Variants in SSUH2 observed in about 807,000 individuals in gnomAD.
The protein encoded by SSUH2 is protein SSUH2 homolog.
SSUH2 carries 47 observed loss-of-function variants against 55.3 expected under a neutral mutation model. The ratio of observed to expected loss-of-function variants is 0.85; its 90% CI spans 0.67 to 1.08. The LOEUF (loss-of-function observed/expected upper bound fraction) is 1.08. Among genes scored for constraint, SSUH2 ranks in the 50% least tolerant of loss-of-function variants. The pLI, the probability that SSUH2 is intolerant of heterozygous loss-of-function variation, is 0.00. For missense variants in SSUH2, 535 were observed against 490.7 expected, an observed-to-expected ratio of 1.09 and a Z score of -0.85; for synonymous variants, 212 against 191.5, an observed-to-expected ratio of 1.11 and a Z score of -0.89.
chr3:8,665,021 C>A (rs1473399142), intron 5 of SSUH2, among the ~76,000 whole-genome samples: 1 of 152,158 alleles, frequency 6.6e-6, no homozygotes, highest in East Asian at 1.9e-4. Flanking sequence ...CACACAAGAA[C>A]AATCCCTGCT....
intron 11 of SSUH2, among the ~76,000 whole-genome samples, chr3:8,623,125 C>T (rs1226987690): frequency 1.3e-5 from 2 of 152,190 alleles, no homozygotes; most frequent in Non-Finnish European, 2.9e-5. Flanking sequence ...CGGCCAAAAC[C>T]ACAGAGGCCA....
rs1428453562 is a variant in SSUH2, at chr3:8,678,859, C to T, written c.-901+846G>A. ...GGGGACTGAGAACCAATCCCTCTTC[C>T]CCCAGCCTGGCTCTTAGGATCCCCA... On this transcript the variant is annotated intron_variant, in intron 2 of 18. Coordinates refer to the SSUH2 transcript ENST00000317371. Among the ~76,000 whole-genome samples, 29 of 113,688 alleles carry T rather than the reference C, an allele frequency of 2.6e-4. 6 individuals carry two copies. The highest frequency in any genetic ancestry group is 4.9e-4 in the Non-Finnish European group (24 of 49,458). The allele number at this position is 113,688 out of a possible 152,430, so 74.6% of individuals were successfully genotyped here.
chr3:8,634,906 A>G (rs1414517669), intron 3 of SSUH2, among the ~76,000 whole-genome samples: 1 of 152,138 alleles, frequency 6.6e-6, no homozygotes, highest in Non-Finnish European at 1.5e-5. Context: ...CCACATAGTG[A>G]TATTTGAGGT....
intron 7 of SSUH2, among the ~76,000 whole-genome samples, chr3:8,649,995 G>T (rs1159467308): frequency 6.6e-6 from 1 of 152,012 alleles, no homozygotes; most frequent in African/African-American, 2.4e-5. Context: ...AGCCCCACCA[G>T]CCTCCTCATC....
intron 7 of SSUH2, among the ~76,000 whole-genome samples, chr3:8,657,257 G>A (rs1026851515): frequency 2.0e-5 from 3 of 152,064 alleles, no homozygotes; most frequent in African/African-American, 7.2e-5. Context: ...TAGCATCTCA[G>A]GCATCTTCAC....
At chr3:8,659,420 C>G (rs1206652407) in intron 6 of SSUH2, 1 of 163,268 alleles carries the variant, frequency 6.1e-6, no homozygotes, top group Non-Finnish European at 1.3e-5. Flanking sequence ...CCACTCCAGC[C>G]TCACCTCCTC....
intron 5 of SSUH2, among the ~76,000 whole-genome samples, chr3:8,670,048 TCCAC>T (rs1173037127): frequency 6.6e-6 from 1 of 151,946 alleles, no homozygotes; most frequent in African/African-American, 2.4e-5. Context: ...CACTCTTGAG[TCCAC>T]AGTGCTTGCA....
rs56029053 is a variant in SSUH2, at chr3:8,678,662, C to T, written c.-901+1043G>A. On this transcript the variant is annotated intron_variant, in intron 2 of 18. Coordinates refer to the SSUH2 transcript ENST00000317371. ...CCCATCGCAGTGGGGGGAGGCACCC[C>T]CCGCGAGGCGGGGATTGAGAGCCAG... Among the ~76,000 whole-genome samples the T allele has an allele frequency of 2.2e-3, 120 of 54,220 alleles. 10 individuals are homozygous for T. The highest frequency in any genetic ancestry group is 3.8e-3 in the Non-Finnish European group (97 of 25,398). The allele number at this position is 54,220 out of a possible 152,430, so 35.6% of individuals were successfully genotyped here.
intron 2 of SSUH2, among the ~76,000 whole-genome samples, chr3:8,678,173 A>T (rs1705568005): frequency 6.6e-6 from 1 of 152,020 alleles, no homozygotes; most frequent in Non-Finnish European, 1.5e-5. Context: ...ACTTTCTGCC[A>T]TACATGAAGT....
At chr3:8,647,979 G>T (rs1000183337), upstream of SSUH2, among the ~76,000 whole-genome samples, 9 of 152,174 alleles carry the variant, frequency 5.9e-5, no homozygotes, top group African/African-American at 2.2e-4. Context: ...CCATGCCCAA[G>T]CACCCTCCTC....
chr3:8,656,318 C>T (rs1702928850), intron 7 of SSUH2, among the ~76,000 whole-genome samples: 1 of 152,256 alleles, frequency 6.6e-6, no homozygotes, highest in African/African-American at 2.4e-5. Context: ...GTCCAGGACA[C>T]ATTTTACTAT....
intron 7 of SSUH2, among the ~76,000 whole-genome samples, chr3:8,651,126 C>T (rs924598483): frequency 1.3e-5 from 2 of 152,180 alleles, no homozygotes; most frequent in African/African-American, 4.8e-5. Flanking sequence ...TTTAAAAGGC[C>T]AGTCTGTTTG....
chr3:8,654,849 C>CTCA (rs1278567047), intron 7 of SSUH2, among the ~76,000 whole-genome samples: 25 of 151,186 alleles, frequency 1.7e-4, no homozygotes, highest in Non-Finnish European at 3.1e-4. Flanking sequence ...AGTGTGTGGC[C>CTCA]TCCCCCAGAT....
At chr3:8,645,877 G>A (rs1164132944), upstream of SSUH2, among the ~76,000 whole-genome samples, 3 of 152,128 alleles carry the variant, frequency 2.0e-5, no homozygotes, top group South Asian at 2.1e-4. Flanking sequence ...GCCCATCGCC[G>A]ACAGCATGCA....
chr3:8,666,784 G>T (rs1050357153), intron 5 of SSUH2, among the ~76,000 whole-genome samples: 5 of 152,226 alleles, frequency 3.3e-5, no homozygotes, highest in Admixed American at 1.3e-4. Flanking sequence ...CCGGACACCA[G>T]TTGCAAGTCC....
upstream of SSUH2, chr3:8,644,903 T>C (rs1211757283): frequency 1.4e-6 from 1 of 728,486 alleles, no homozygotes; most frequent in East Asian, 2.7e-5. Context: ...ATCTATATCG[T>C]TCATCATAGC....
intron 1 of SSUH2, 95 bp downstream of exon 1, chr3:8,644,636 C>T: frequency 5.4e-6 from 6 of 1,119,948 alleles, no homozygotes; most frequent in Non-Finnish European, 6.5e-6. Context: ...GGATACATAA[C>T]TTCCAACATA....
chr3:8,678,970 GGGCGGAGAGTCACCCCCCGC>G (rs1705699622), intron 2 of SSUH2, among the ~76,000 whole-genome samples: 2 of 99,568 alleles, frequency 2.0e-5, no homozygotes, highest in East Asian at 2.6e-4. Context: ...GCCCATCGCA[GGGCGGAGAGTCACCCCCCGC>G]GAGGTGGGGA....
At chr3:8,676,728 G>A (rs1295564632) in intron 3 of SSUH2, among the ~76,000 whole-genome samples, 3 of 150,094 alleles carry the variant, frequency 2.0e-5, no homozygotes, top group African/African-American at 7.4e-5. Context: ...CTGCGATGCT[G>A]GAATTACTAT....
Sources: allele counts gnomAD v4.1 joint callset (sites outside exome capture counted in the v4.1 genomes callset), GRCh38; gene constraint gnomAD v4.1.1; transcripts MANE v1.5; gene names NCBI Gene and HGNC (gene_info 2026-07-23, HGNC 2026-07-21).